Variants in CYBA observed in about 807,000 individuals in gnomAD.
CYBA encodes the protein cytochrome b-245 alpha chain.
CYBA carries 21 observed loss-of-function variants against 20.8 expected under a neutral mutation model. The observed-to-expected ratio is 1.01, with a 90% CI of 0.72 to 1.46. The LOEUF (loss-of-function observed/expected upper bound fraction) is 1.46, where lower values mean the gene tolerates loss of function less well. Ranked by LOEUF, CYBA falls within the 40% of genes most tolerant of loss-of-function variation. CYBA has a pLI of 0.00. For missense variants in CYBA, 344 were observed against 287.0 expected (o/e 1.20, Z -1.43); for synonymous variants, 164 against 127.5 (o/e 1.29, Z -1.93).
At chr16:88,646,413 C>T (rs1907284425) in intron 4 of CYBA, 10 of 242,640 alleles carry the variant, frequency 4.1e-5, no homozygotes, top group East Asian at 2.6e-4. Context: ...GAAGCAGCCA[C>T]GTGTGGGTGT....
chr16:88,643,649 G>A lies in CYBA; in HGVS notation c.370-78C>T, dbSNP rs972883100. The A allele has an allele frequency of 4.5e-5, 47 of 1,036,714 alleles. No individual in the cohort carries two copies. Among genetic ancestry groups the A allele is most frequent in the Middle Eastern group, 6.7e-4 (2 of 2,974 alleles). 64.2% of individuals were successfully genotyped at this position (1,036,714 alleles called of 1,614,324 possible). A position where few individuals can be genotyped will look rare whatever the true frequency, so the allele number is the denominator to read the frequency against. ...CCCTCCCTCCCCGGAGGCCCACCCC[G>A]CTAGGGGCCCTGGGACAGGCTCAAG... On this transcript the variant is annotated intron_variant, in intron 5 of 5. Transcript: ENST00000261623. This position sits in a 1 kb window ranked among gnomAD's most constrained non-coding sequence, Gnocchi z 4.3.
At chr16:88,648,167 G>T in intron 1 of CYBA, 53 bp from the exon 2 acceptor site, 2 of 1,541,068 alleles carry the variant, frequency 1.3e-6, no homozygotes, top group South Asian at 1.2e-5. Flanking sequence ...GGGGGCCTGG[G>T]CCACCCCCCT....
intron 4 of CYBA, chr16:88,646,482 G>A: frequency 1.4e-6 from 1 of 697,334 alleles, no homozygotes; most frequent in South Asian, 1.5e-5. Context: ...CACCCTACCA[G>A]GAAGCCCAGG....
chr16:88,643,434 C>T lies in CYBA; in HGVS notation c.507G>A (p.Glu169=). The change falls in exon 6 of 6, where the codon GAG becomes GAA. Residue 169 remains glutamate, a synonymous_variant. Transcript: ENST00000261623. The surrounding 1 kb of genome is among the most constrained non-coding windows in gnomAD (Gnocchi z 4.3). ...CCCCCGCCGCCACCGCAGCCTCCTC[C>T]TCGCTGGGCTTCTTGCGGGCCTCGG... ...PPAEARKKPS[E]EEAAVAAGGP... 2 of 1,535,070 alleles carry T rather than the reference C, an allele frequency of 1.3e-6. No individual in the cohort carries two copies. Among genetic ancestry groups the T allele is most frequent in the Non-Finnish European group, 1.7e-6 (2 of 1,143,938 alleles).
At chr16:88,650,541 C>A (rs1351894523) in intron 1 of CYBA, 1 of 484,788 alleles carries the variant, frequency 2.1e-6, no homozygotes, top group Non-Finnish European at 4.1e-6. Context: ...GGAGAGCGAC[C>A]TCCAGGCCAG....
chr16:88,643,458 G>T lies in CYBA; in HGVS notation c.483C>A (p.Ala161=), dbSNP rs376631447. The T allele has an allele frequency of 6.5e-7, 1 of 1,533,108 alleles. No homozygotes were observed. The highest frequency in any genetic ancestry group is 2.0e-5 in the Admixed American group (1 of 50,686). The allele number at this position is 1,533,108 out of a possible 1,614,324, so 95.0% of individuals were successfully genotyped here. A position where few individuals can be genotyped will look rare whatever the true frequency, so the allele number is the denominator to read the frequency against. Residue 161 remains alanine, a synonymous_variant, in exon 6 of 6, where the codon GCC becomes GCA. Coordinates refer to ENST00000261623, the MANE Select transcript of CYBA (RefSeq NM_000101.4). The surrounding 1 kb of genome is among the most constrained non-coding windows in gnomAD (Gnocchi z 4.3). ...CCTCGCTGGGCTTCTTGCGGGCCTC[G>T]GCCGGGGGCCGCGGCGGGGGGTTGC... ...PPSNPPPRPP[A]EARKKPSEEE...
chr16:88,650,844 C>T, intron 1 of CYBA, 112 bp downstream of exon 1: 1 of 1,235,616 alleles, frequency 8.1e-7, no homozygotes, highest in East Asian at 2.5e-5. Context: ...CCGGCCCGGC[C>T]TGGCCCGCCT....
rs560625891 is a variant in CYBA, at chr16:88,643,915, C to G, written c.370-344G>C. Among the ~76,000 whole-genome samples the G allele has an allele frequency of 6.6e-6, 1 of 152,114 alleles. No individual in the cohort carries two copies. Among genetic ancestry groups the G allele is most frequent in the Non-Finnish European group, 1.5e-5 (1 of 68,010 alleles). ...GGCAGGGAAGGCAGGGAGGCAGGCC[C>G]GAGGTCCAGCAGGAGGGGTGGCCCA... On this transcript the variant is annotated intron_variant, in intron 5 of 5. Transcript: ENST00000261623. This position sits in a 1 kb window ranked among gnomAD's most constrained non-coding sequence, Gnocchi z 4.3.
intron 1 of CYBA, chr16:88,650,515 C>T: frequency 2.1e-6 from 1 of 474,254 alleles, no homozygotes; most frequent in South Asian, 1.5e-5. Context: ...GAGCCCATTC[C>T]CCACCCCAAG....
chr16:88,643,324 C>T lies in CYBA; in HGVS notation c.*29G>A, dbSNP rs1162257245. 2.1e-6 allele frequency: 3 copies of T among 1,456,654 alleles called. No individual in the cohort carries two copies. Among genetic ancestry groups the T allele is most frequent in the Non-Finnish European group, 2.7e-6 (3 of 1,094,116 alleles). 90.2% of individuals were successfully genotyped at this position (1,456,654 alleles called of 1,614,324 possible). On this transcript the variant is annotated 3_prime_UTR_variant, in exon 6 of 6. Transcript: ENST00000261623. The surrounding 1 kb of genome is among the most constrained non-coding windows in gnomAD (Gnocchi z 4.3). ...GCTGCATTTATTGCAGGTGGGTGCA[C>T]CTGGCGGGAGGGCAGGTCCGGGGCG...
At chr16:88,646,038 G>T in intron 5 of CYBA, 78 bp downstream of exon 5, 2 of 1,230,038 alleles carry the variant, frequency 1.6e-6, no homozygotes, top group South Asian at 1.3e-5. Flanking sequence ...GGCTTCAAGG[G>T]CCATGCGTGT....
intron 5 of CYBA, among the ~76,000 whole-genome samples, chr16:88,644,585 G>A (rs1449647324): frequency 6.6e-6 from 1 of 152,232 alleles, no homozygotes; most frequent in East Asian, 1.9e-4. Flanking sequence ...AGCACTTTGG[G>A]AGGCCGAGGC....
rs753275155 is a variant in CYBA at position 88,648,002 on chromosome 16, C to T, written c.128+43G>A. On this transcript the variant is annotated intron_variant, in intron 2 of 5. Transcript: ENST00000261623. Reference sequence around the variant, plus strand: ...CTGTGAAGTGGCTCCCCAGCTCTGCCCTGGGCGTTCCCCGCCCACCCCAGC... The same window carrying T: ...CTGTGAAGTGGCTCCCCAGCTCTGCTCTGGGCGTTCCCCGCCCACCCCAGC... 2.2e-5 allele frequency: 35 copies of T among 1,563,450 alleles called. No individual in the cohort carries two copies. In the East Asian group the frequency reaches 6.8e-4, roughly 30 times the overall value.
intron 1 of CYBA, 62 bp from the exon 2 acceptor site, chr16:88,648,176 C>CT: frequency 6.6e-7 from 1 of 1,505,130 alleles, no homozygotes; most frequent in Non-Finnish European, 9.0e-7. Context: ...GGCCACCCCC[C>CT]TTCTCTACCT....
chr16:88,643,632 C>T lies in CYBA; in HGVS notation c.370-61G>A. 1 of 1,433,568 alleles carries T rather than the reference C, an allele frequency of 7.0e-7. No homozygotes were observed. Among genetic ancestry groups the T allele is most frequent in the South Asian group, 1.2e-5 (1 of 81,642 alleles). The allele number at this position is 1,433,568 out of a possible 1,614,324, so 88.8% of individuals were successfully genotyped here. A position where few individuals can be genotyped will look rare whatever the true frequency, so the allele number is the denominator to read the frequency against. ...GCCCGCCCTCCCTCCCTCCCTCCCT[C>T]CCCGGAGGCCCACCCCGCTAGGGGC... On this transcript the variant is annotated intron_variant, in intron 5 of 5. Coordinates refer to ENST00000261623, the MANE Select transcript of CYBA (RefSeq NM_000101.4). The surrounding 1 kb of genome is among the most constrained non-coding windows in gnomAD (Gnocchi z 4.3).
At chr16:88,650,726 C>T (rs1907489772) in intron 1 of CYBA, 1 of 612,700 alleles carries the variant, frequency 1.6e-6, no homozygotes, top group Non-Finnish European at 2.9e-6. Flanking sequence ...GGAGGGGCGC[C>T]GCGCTCCGCA....
chr16:88,646,677 G>GC, intron 4 of CYBA, 78 bp downstream of exon 4: 1 of 1,346,066 alleles, frequency 7.4e-7, no homozygotes, highest in Non-Finnish European at 1.1e-6. Context: ...TGTCCAGGCA[G>GC]CCCGGCCGGT....
intron 5 of CYBA, chr16:88,645,885 C>A: frequency 1.7e-6 from 1 of 586,944 alleles, no homozygotes; most frequent in South Asian, 2.0e-5. Context: ...GGCTGTGGTG[C>A]GGGTTAATGA....
Position 88,646,829 on chromosome 16 carries a change from C to A in CYBA, c.213G>T (p.Lys71Asn). ...ACAGCTTCACCACGGCGGTCATGTACTTCTGTCCCCTGGGGGAGGGAGGAA... is the reference window on the plus strand; with the variant it reads ...ACAGCTTCACCACGGCGGTCATGTAATTCTGTCCCCTGGGGGAGGGAGGAA... ...KGSTMERWGQ[K>N]YMTAVVKLFG... Residue 71 changes from lysine (K) to asparagine (N), a missense_variant, in exon 4 of 6, where the codon AAG (lysine) becomes AAT (asparagine). Physicochemically the swap from Lys to Asn is moderately conservative, Grantham distance 94. Transcript: ENST00000261623. 1 of 1,613,326 alleles carries A rather than the reference C, an allele frequency of 6.2e-7. No individual in the cohort carries two copies. Among genetic ancestry groups the A allele is most frequent in the Non-Finnish European group, 8.5e-7 (1 of 1,179,514 alleles).
Sources: gnomAD v4.1 joint callset for allele counts (sites outside exome capture counted in the v4.1 genomes callset) on GRCh38, gnomAD v4.1.1 for gene constraint, Gnocchi (gnomAD v3.1) non-coding constraint, MANE v1.5 for transcripts, NCBI Gene and HGNC (gene_info 2026-07-23, HGNC 2026-07-21) for gene names.